Variants in DENND2B observed in about 807,000 individuals in gnomAD.
DENND2B encodes DENN domain-containing protein 2B.
DENND2B carries 32 observed loss-of-function variants against 116.0 expected under a neutral mutation model. The ratio of observed to expected loss-of-function variants is 0.28; its 90% CI spans 0.21 to 0.37. The LOEUF (loss-of-function observed/expected upper bound fraction) is 0.37. DENND2B is among the 10% of genes least tolerant of loss of function. The probability of loss-of-function intolerance (pLI) is 1.00; values close to 1 mark genes in which losing one functional copy is unlikely to be tolerated. For synonymous variants in DENND2B, 588 were observed against 583.9 expected (o/e 1.01, Z -0.10); for missense variants, 1,276 against 1,477.7 (o/e 0.86, Z 2.24).
chr11:8,868,521 G>A (rs2134700339), intron 2 of DENND2B, among the ~76,000 whole-genome samples: 1 of 152,322 alleles, frequency 6.6e-6, no homozygotes, highest in East Asian at 1.9e-4. Flanking sequence ...TAGTCTGAGA[G>A]CCAGGCATTG....
intron 3 of DENND2B, among the ~76,000 whole-genome samples, chr11:8,728,060 A>C (rs1265020406): frequency 6.6e-6 from 1 of 151,854 alleles, no homozygotes; most frequent in South Asian, 2.1e-4. Flanking sequence ...GCTAGAGTGC[A>C]GTGGTGTGAT....
Position 8,737,061 on chromosome 11 carries a change from A to G in DENND2B, c.81-5852T>C, listed in dbSNP as rs552162364. Among the ~76,000 whole-genome samples the G allele has an allele frequency of 9.8e-5, 15 of 152,326 alleles. No homozygotes were observed. In the South Asian group the frequency reaches 2.7e-3, roughly 27 times the overall value. ...CTACTTTGAGGGCTGGGCCAATGCA[A>G]TTTGCTGATGGGTTAGATGAGCAGT... On this transcript the variant is annotated intron_variant, in intron 2 of 19. Transcript: ENST00000313726.
chr11:8,880,335 T>C (rs2063888969), intron 2 of DENND2B, among the ~76,000 whole-genome samples: 1 of 125,316 alleles, frequency 8.0e-6, no homozygotes, highest in Non-Finnish European at 1.7e-5. Context: ...CTGGAAGCTG[T>C]CACTTTGAAC....
At chr11:8,851,773 T>G (rs1403693296) in intron 3 of DENND2B, among the ~76,000 whole-genome samples, 1 of 152,162 alleles carries the variant, frequency 6.6e-6, no homozygotes, top group African/African-American at 2.4e-5. Flanking sequence ...GATCAAATAT[T>G]TAGTATTTTG....
intron 1 of DENND2B, chr11:8,766,787 G>A: frequency 1.3e-6 from 1 of 797,288 alleles, no homozygotes; most frequent in Non-Finnish European, 1.8e-6. Flanking sequence ...ATTTTAGGTG[G>A]GGGTGCTGGG....
At chr11:8,805,205 C>T (rs2060736035) in intron 1 of DENND2B, among the ~76,000 whole-genome samples, 1 of 152,184 alleles carries the variant, frequency 6.6e-6, no homozygotes, top group Non-Finnish European at 1.5e-5. Context: ...CACTGCAATG[C>T]ATGTCAGATA....
intron 14 of DENND2B, among the ~76,000 whole-genome samples, chr11:8,700,630 C>T (rs1243483436): frequency 2.0e-5 from 3 of 152,154 alleles, no homozygotes; most frequent in African/African-American, 7.2e-5. Flanking sequence ...CCTGTGAGCA[C>T]CTGACATTTA....
Position 8,702,538 on chromosome 11 carries a change from C to G in DENND2B, c.2720+34G>C. The G allele has an allele frequency of 3.7e-6, 6 of 1,606,914 alleles. No individual in the cohort carries two copies. The highest frequency in any genetic ancestry group is 4.2e-6 in the Non-Finnish European group (5 of 1,179,920). On this transcript the variant is annotated intron_variant, in intron 14 of 19. Transcript: ENST00000313726. This position sits in a 1 kb window ranked among gnomAD's most constrained non-coding sequence, Gnocchi z 4.6. ...TTCGCTTGTGGGTGTGCCTTCCCCC[C>G]TCCCTTCTGCTTTCTTGCCCGGCTG...
At chr11:8,907,943 C>T (rs1205426819) in intron 1 of DENND2B, among the ~76,000 whole-genome samples, 1 of 152,166 alleles carries the variant, frequency 6.6e-6, no homozygotes, top group Non-Finnish European at 1.5e-5. Context: ...CTCAAGTAAT[C>T]CTTCCACCTC....
At chr11:8,820,868 T>C (rs1000900880) in intron 4 of DENND2B, among the ~76,000 whole-genome samples, 1 of 152,140 alleles carries the variant, frequency 6.6e-6, no homozygotes, top group Non-Finnish European at 1.5e-5. Context: ...ACATCTGTAA[T>C]CCCAGCACTT....
chr11:8,746,563 C>T (rs2051292240), intron 2 of DENND2B, among the ~76,000 whole-genome samples: 1 of 152,116 alleles, frequency 6.6e-6, no homozygotes, highest in Non-Finnish European at 1.5e-5. Context: ...CCGTTTTGAA[C>T]CAAAGATTCT....
At chr11:8,718,203 C>T in intron 4 of DENND2B, 1 of 798,388 alleles carries the variant, frequency 1.3e-6, no homozygotes, top group Non-Finnish European at 2.1e-6. Flanking sequence ...TGCCTGTGCC[C>T]AGCCAGAGGA....
intron 4 of DENND2B, chr11:8,718,096 A>ACCCCCCC (rs1430185488): frequency 4.2e-5 from 3 of 71,130 alleles, no homozygotes; most frequent in South Asian, 2.3e-4. Flanking sequence ...AAGCAGACCC[A>ACCCCCCC]CCCCCCCACC....
rs183099597 is a variant in DENND2B, at chr11:8,819,787, C to T, written c.-114-8452G>A. On this transcript the variant is annotated intron_variant, in intron 4 of 6. Coordinates refer to the DENND2B transcript ENST00000524757. ...CACAGATTAGAGGAGACTAAGGAGA[C>T]GCAGCAACTAAATGCAACATGGGAT... is the stretch of plus-strand genomic sequence containing the variant. Among the ~76,000 whole-genome samples the T allele has an allele frequency of 6.8e-4, 103 of 152,240 alleles. 1 individual carries two copies. In the East Asian group the frequency reaches 0.016, roughly 24 times the overall value.
intron 4 of DENND2B, among the ~76,000 whole-genome samples, chr11:8,721,927 C>G (rs745390846): frequency 2.0e-5 from 3 of 152,234 alleles, no homozygotes; most frequent in African/African-American, 7.2e-5. Flanking sequence ...TGGGAATCTG[C>G]AGGAATGCAG....
At chr11:8,777,008 TA>T (rs1201355371) in intron 1 of DENND2B, among the ~76,000 whole-genome samples, 5 of 152,190 alleles carry the variant, frequency 3.3e-5, no homozygotes, top group African/African-American at 7.2e-5. Flanking sequence ...TTCCCTCTCT[TA>T]TTTAAGAAAG....
At chr11:8,901,229 C>CTTTTCTTTTCTTTTTTTTTT (rs781408078) in intron 1 of DENND2B, among the ~76,000 whole-genome samples, 4 of 83,914 alleles carry the variant, frequency 4.8e-5, no homozygotes, top group Non-Finnish European at 6.6e-5. Context: ...CTTTTCTTTT[C>CTTTTCTTTTCTTTTTTTTTT]TTTTTTTTTT....
chr11:8,775,371 G>A (rs1565920678), intron 1 of DENND2B, among the ~76,000 whole-genome samples: 1 of 152,176 alleles, frequency 6.6e-6, no homozygotes, highest in African/African-American at 2.4e-5. Flanking sequence ...GTCCAAATAA[G>A]GGAGCAGTCA....
chr11:8,898,670 C>A (rs538506588), intron 1 of DENND2B, among the ~76,000 whole-genome samples: 8 of 152,312 alleles, frequency 5.3e-5, no homozygotes, highest in Admixed American at 2.6e-4. Context: ...CATCTACTTT[C>A]ATTCATTTAC....
Sources: allele counts gnomAD v4.1 joint callset (sites outside exome capture counted in the v4.1 genomes callset), GRCh38; gene constraint gnomAD v4.1.1; non-coding constraint Gnocchi (gnomAD v3.1); transcripts MANE v1.5; gene names NCBI Gene and HGNC (gene_info 2026-07-23, HGNC 2026-07-21).